Variants in ARHGEF10 observed in about 807,000 individuals in gnomAD.
ARHGEF10 encodes the protein Rho guanine nucleotide exchange factor 10.
A neutral mutation model predicts 147.4 loss-of-function variants in ARHGEF10; 140 were observed. The ratio of observed to expected loss-of-function variants is 0.95; its 90% CI spans 0.83 to 1.09. ARHGEF10 has a LOEUF of 1.09. Ranked by LOEUF, ARHGEF10 falls within the 50% of genes least tolerant of loss-of-function variation. The probability of loss-of-function intolerance (pLI) is 0.00; values close to 1 mark genes in which losing one functional copy is unlikely to be tolerated. For missense variants in ARHGEF10, 2,222 were observed against 1,752.7 expected (o/e 1.27, Z -4.78); for synonymous variants, 902 against 695.8 (o/e 1.30, Z -4.67).
chr8:1,875,277 A>T (rs1807596368), intron 7 of ARHGEF10, among the ~76,000 whole-genome samples: 1 of 151,792 alleles, frequency 6.6e-6, no homozygotes, highest in African/African-American at 2.4e-5. Context: ...AGGTTCTAAG[A>T]CAGGCTGGAG....
In ARHGEF10 at chr8:1,859,996, C is replaced by T. The variant is rs139804042; in HGVS notation, c.293C>T (p.Thr98Met). Residue 98 changes from threonine (T) to methionine (M), a missense_variant, in exon 4 of 29, where the codon ACG (threonine) becomes ATG (methionine). Physicochemically the swap from Thr to Met is moderately conservative, Grantham distance 81. Coordinates refer to ENST00000349830, the MANE Select transcript of ARHGEF10 (RefSeq NM_014629.4). ...KVNPYSVIDI[T>M]PFQEDQPPTP... ...AACCCATATTCTGTCATCGACATCA[C>T]GCCATTCCAGGAGGACCAGCCGCCC... is the stretch of plus-strand genomic sequence containing the variant. 74 of 1,614,038 alleles carry T rather than the reference C, an allele frequency of 4.6e-5. No homozygotes were observed. In the African/African-American group the frequency reaches 6.1e-4, roughly 13 times the overall value.
At chr8:1,941,718 T>C (rs1814107556) in intron 26 of ARHGEF10, among the ~76,000 whole-genome samples, 1 of 152,146 alleles carries the variant, frequency 6.6e-6, no homozygotes, top group South Asian at 2.1e-4. Flanking sequence ...TTTTACCACA[T>C]AGCCACAGTA....
intron 1 of ARHGEF10, among the ~76,000 whole-genome samples, chr8:1,839,629 G>GGA (rs1803837314): frequency 2.2e-5 from 3 of 136,578 alleles, no homozygotes; most frequent in Non-Finnish European, 3.1e-5. Flanking sequence ...TGGTGTGGAA[G>GGA]CTGTCTGGTG....
chr8:1,957,285 G>C lies in ARHGEF10; in HGVS notation c.*22G>C. On this transcript the variant is annotated 3_prime_UTR_variant, in exon 29 of 29. Transcript: ENST00000349830. Reference sequence around the variant, plus strand: ...ATAAGCAGGACGGCCGCCTTCTGCTGTCAGAATTTGCAATCAAGGGTGACT... The same window carrying C: ...ATAAGCAGGACGGCCGCCTTCTGCTCTCAGAATTTGCAATCAAGGGTGACT... The C allele has an allele frequency of 6.2e-7, 1 of 1,600,344 alleles. No homozygotes were observed. Among genetic ancestry groups the C allele is most frequent in the East Asian group, 2.2e-5 (1 of 44,458 alleles).
Position 1,928,747 on chromosome 8 carries a change from C to A in ARHGEF10, c.2921+97C>A, listed in dbSNP as rs186635263. Reference sequence around the variant, plus strand: ...CTGGAAAGAGTCCTTGACTTTGACTCAGGAGTAGCCCGTGCAGGAATTAGG... The same window carrying A: ...CTGGAAAGAGTCCTTGACTTTGACTAAGGAGTAGCCCGTGCAGGAATTAGG... On this transcript the variant is annotated intron_variant, in intron 24 of 28. Transcript: ENST00000349830. 6.0e-4 allele frequency: 822 copies of A among 1,361,980 alleles called. 3 individuals carry two copies. The African/African-American group carries it at 0.012, about 21-fold the overall frequency. 84.4% of individuals were successfully genotyped at this position (1,361,980 alleles called of 1,614,324 possible).
chr8:1,844,474 G>C (rs1479399397), intron 2 of ARHGEF10, among the ~76,000 whole-genome samples: 1 of 17,934 alleles, frequency 5.6e-5, no homozygotes, highest in Non-Finnish European at 1.7e-4. Context: ...GTGAGCAGTG[G>C]CCACCCCAGA....
intron 7 of ARHGEF10, among the ~76,000 whole-genome samples, chr8:1,874,285 C>G (rs7836862): frequency 0.4 from 60,882 of 152,062 alleles, 12,715 homozygotes; most frequent in East Asian, 0.52. Flanking sequence ...AGCCTGAGTT[C>G]TAACAGACCT....
At position 1,937,992 on chromosome 8, in the gene ARHGEF10, C is replaced by T. The variant is rs552851147; in HGVS notation, c.3222+4050C>T. Reference sequence around the variant, plus strand: ...CCATAACAAAGCAGCACTGGGCGAACCAGTAGAGACGCTGAGCCGGGTGCT... The same window carrying T: ...CCATAACAAAGCAGCACTGGGCGAATCAGTAGAGACGCTGAGCCGGGTGCT... On this transcript the variant is annotated intron_variant, in intron 26 of 28. Transcript: ENST00000349830. The surrounding 1 kb of genome is among the most constrained non-coding windows in gnomAD (Gnocchi z 4.9). Among the ~76,000 whole-genome samples, 21 of 152,286 alleles carry T rather than the reference C, an allele frequency of 1.4e-4. No homozygotes were observed. The highest frequency in any genetic ancestry group is 4.6e-4 in the African/African-American group (19 of 41,560).
intron 27 of ARHGEF10, among the ~76,000 whole-genome samples, chr8:1,950,082 G>A (rs746418731): frequency 7.9e-5 from 12 of 152,178 alleles, no homozygotes; most frequent in Non-Finnish European, 1.6e-4. Flanking sequence ...AGCCGCTCAA[G>A]TGCAGTCAGT....
At chr8:1,936,373 G>A (rs897125752) in intron 26 of ARHGEF10, among the ~76,000 whole-genome samples, 1 of 152,100 alleles carries the variant, frequency 6.6e-6, no homozygotes, top group Non-Finnish European at 1.5e-5. Context: ...AAGTTAGCTG[G>A]GCACGGTAGT....
chr8:1,936,969 G>A (rs755487493), intron 26 of ARHGEF10, among the ~76,000 whole-genome samples: 14 of 152,250 alleles, frequency 9.2e-5, no homozygotes, highest in Non-Finnish European at 1.5e-4. Context: ...TCCACACTGG[G>A]GCAAGGTGCA....
chr8:1,832,687 GAC>G (rs1554465460), intron 1 of ARHGEF10, among the ~76,000 whole-genome samples: 1 of 82,028 alleles, frequency 1.2e-5, no homozygotes, highest in East Asian at 2.9e-4. Flanking sequence ...CAGAGACAGA[GAC>G]AGAGAGACAG....
chr8:1,828,868 C>G (rs897607068), intron 1 of ARHGEF10, among the ~76,000 whole-genome samples: 1 of 151,336 alleles, frequency 6.6e-6, no homozygotes, highest in South Asian at 2.1e-4. Context: ...TGCGCACTTA[C>G]TGTTTTATTC....
Position 1,860,151 on chromosome 8 carries a change from G to A in ARHGEF10, c.448G>A (p.Val150Ile). 1 of 1,613,694 alleles carries A rather than the reference G, an allele frequency of 6.2e-7. No individual in the cohort carries two copies. Among genetic ancestry groups the A allele is most frequent in the Non-Finnish European group, 8.5e-7 (1 of 1,179,946 alleles). ...CCTGCTGCCCGCCTACTCCAGCCCG[G>A]TCATCATCTGCGCCACGTCCCTGGA... ...PLLLPAYSSP[V>I]IICATSLDEE... is the part of the protein sequence containing the mutation. The change falls in exon 4 of 29, where the codon GTC becomes ATC. Residue 150 changes from valine to isoleucine, a missense_variant. Physicochemically the swap from Val to Ile is conservative, Grantham distance 29. Transcript: ENST00000349830.
At chr8:1,904,841 C>T (rs1284361187) in intron 16 of ARHGEF10, among the ~76,000 whole-genome samples, 1 of 152,116 alleles carries the variant, frequency 6.6e-6, no homozygotes, top group Non-Finnish European at 1.5e-5. Context: ...TAAGTATTGG[C>T]CGGGTGCAGT....
intron 27 of ARHGEF10, among the ~76,000 whole-genome samples, chr8:1,950,120 C>G (rs1814909871): frequency 6.6e-6 from 1 of 152,288 alleles, no homozygotes; most frequent in Admixed American, 6.5e-5. Flanking sequence ...ACCCATTTAC[C>G]AACCTCACTG....
chr8:1,876,526 T>C (rs1257010899), intron 7 of ARHGEF10, 45 bp from the exon 8 acceptor site: 1 of 1,587,270 alleles, frequency 6.3e-7, no homozygotes, highest in Admixed American at 1.7e-5. Flanking sequence ...ACAGCCCACA[T>C]GGAATTCTAA....
At chr8:1,841,818 G>A (rs76008024) in intron 1 of ARHGEF10, among the ~76,000 whole-genome samples, 3,083 of 103,800 alleles carry the variant, frequency 0.03, 93 homozygotes, top group East Asian at 0.073. Context: ...TGGGGCCGCG[G>A]CGGGAACTGG....
rs565909243 is a variant in ARHGEF10 at position 1,938,010 on chromosome 8, C to T, written c.3222+4068C>T. 1.2e-3 allele frequency among the ~76,000 whole-genome samples: 187 copies of T among 152,268 alleles called. 2 individuals are homozygous for T. Among genetic ancestry groups the T allele is most frequent in the Admixed American group, 3.9e-3 (60 of 15,294 alleles). On this transcript the variant is annotated intron_variant, in intron 26 of 28. Transcript: ENST00000349830. ...GGGCGAACCAGTAGAGACGCTGAGC[C>T]GGGTGCTTGGTGCAGCACCCCCAAC... is the stretch of plus-strand genomic sequence containing the variant.
Sources: gnomAD v4.1 joint callset for allele counts (sites outside exome capture counted in the v4.1 genomes callset) on GRCh38, gnomAD v4.1.1 for gene constraint, Gnocchi (gnomAD v3.1) non-coding constraint, MANE v1.5 for transcripts, NCBI Gene and HGNC (gene_info 2026-07-23, HGNC 2026-07-21) for gene names.